Variants in PCDHA7 observed in about 807,000 individuals in gnomAD.
PCDHA7 encodes protocadherin alpha 7, also known as protocadherin alpha-7.
In PCDHA7, 37 loss-of-function variants were observed where a neutral mutation model predicts 57.2. The observed-to-expected ratio is 0.65, with a 90% confidence interval of 0.50 to 0.85. The LOEUF is 0.85. Ranked by LOEUF, PCDHA7 falls within the 40% of genes least tolerant of loss-of-function variation. The pLI is 0.00. For synonymous variants in PCDHA7, 553 were observed against 558.8 expected (o/e 0.99, Z 0.15); for missense variants, 1,188 against 1,241.8 (o/e 0.96, Z 0.65).
chr5:140,852,702 A>G, intron 1 of PCDHA7: 1 of 977,718 alleles, frequency 1.0e-6, no homozygotes, highest in Non-Finnish European at 1.2e-6. Context: ...ACTTTCAAGT[A>G]TCTTTGTCTT....
intron 1 of PCDHA7, chr5:140,862,204 A>C: frequency 5.7e-6 from 1 of 176,474 alleles, no homozygotes; most frequent in Non-Finnish European, 1.2e-5. Flanking sequence ...ATGTTTGATC[A>C]CTGCACAGAC....
At chr5:140,876,395 T>C (rs1562712555) in intron 1 of PCDHA7, 2 of 1,613,920 alleles carry the variant, frequency 1.2e-6, no homozygotes, top group Non-Finnish European at 8.5e-7. Flanking sequence ...TATGGTGAAC[T>C]GGATTTTGAA....
chr5:140,982,689 T>A, intron 3 of PCDHA7, 126 bp downstream of exon 3: 1 of 1,413,688 alleles, frequency 7.1e-7, no homozygotes, highest in Non-Finnish European at 9.3e-7. Context: ...CTTTTTTCCA[T>A]ACATACATGA....
At chr5:140,836,938 A>G in intron 1 of PCDHA7, 200 bp downstream of exon 1, 1 of 463,722 alleles carries the variant, frequency 2.2e-6, no homozygotes, top group Non-Finnish European at 3.7e-6. Flanking sequence ...AATACTATAG[A>G]TCAAAATCTA....
At chr5:140,875,264 C>CTACA in intron 1 of PCDHA7, 1 of 1,189,324 alleles carries the variant, frequency 8.4e-7, no homozygotes, top group Non-Finnish European at 1.1e-6. Context: ...TGATGTCGCT[C>CTACA]TACACTCAGA....
intron 1 of PCDHA7, chr5:140,851,337 C>A: frequency 1.0e-6 from 1 of 979,030 alleles, no homozygotes; most frequent in Non-Finnish European, 1.2e-6. Flanking sequence ...TAGTTCTCTA[C>A]ATTTCTCTGG....
intron 1 of PCDHA7, among the ~76,000 whole-genome samples, chr5:140,871,794 ATTACTATT>A (rs1415079404): frequency 2.2e-4 from 33 of 152,228 alleles, no homozygotes; most frequent in African/African-American, 7.7e-4. Flanking sequence ...AGTAGAAATA[ATTACTATT>A]TTCACTAAAG....
intron 3 of PCDHA7, among the ~76,000 whole-genome samples, chr5:140,986,690 A>G (rs2097209589): frequency 6.6e-6 from 1 of 152,172 alleles, no homozygotes; most frequent in African/African-American, 2.4e-5. Flanking sequence ...AAAGTTTCAA[A>G]ACACACAGCA....
At chr5:140,886,680 G>T (rs1554182653) in intron 1 of PCDHA7, among the ~76,000 whole-genome samples, 1 of 151,946 alleles carries the variant, frequency 6.6e-6, no homozygotes, top group Non-Finnish European at 1.5e-5. Context: ...ACAAAAATTA[G>T]CGAGGCATGG....
rs1554151079 is a variant in PCDHA7 at position 140,858,031 on chromosome 5, G to T, written c.2355+21293G>T. 1.2e-5 allele frequency: 19 copies of T among 1,597,102 alleles called. 3 individuals are homozygous for T. The highest frequency in any genetic ancestry group is 1.5e-5 in the Non-Finnish European group (17 of 1,167,242). On this transcript the variant is annotated intron_variant, in intron 1 of 3. Coordinates refer to ENST00000525929, the MANE Select transcript of PCDHA7 (RefSeq NM_018910.3). ...ATGGCGAGCCGTCGCTGACGGCCACGGCCACTGTGCTTGTGTCGCTTGTGG... is the reference window on the plus strand; with the variant it reads ...ATGGCGAGCCGTCGCTGACGGCCACTGCCACTGTGCTTGTGTCGCTTGTGG...
chr5:141,002,333 G>T (rs782123745), intron 3 of PCDHA7, among the ~76,000 whole-genome samples: 1 of 152,196 alleles, frequency 6.6e-6, no homozygotes, highest in African/African-American at 2.4e-5. Context: ...GGCTGCATCC[G>T]CACCCCTTCC....
chr5:140,843,004 C>T (rs2150349830), intron 1 of PCDHA7: 21 of 1,595,032 alleles, frequency 1.3e-5, no homozygotes, highest in Admixed American at 1.0e-4. Flanking sequence ...AGAATGACAA[C>T]GCGCCGGCAC....
chr5:140,853,419 G>A lies in PCDHA7; in HGVS notation c.2355+16681G>A, dbSNP rs2150531537. The A allele has an allele frequency of 1.0e-5, 10 of 986,026 alleles. No individual in the cohort carries two copies. The East Asian group carries it at 1.1e-3, about 112-fold the overall frequency. 61.1% of individuals were successfully genotyped at this position (986,026 alleles called of 1,614,324 possible). On this transcript the variant is annotated intron_variant, in intron 1 of 3. Coordinates refer to ENST00000525929, the MANE Select transcript of PCDHA7 (RefSeq NM_018910.3). ...AGTTCAAAACAGAGAGGTGAAAGCA[G>A]AAGAGACACTTTCCTATTTTGCCTA... is the stretch of plus-strand genomic sequence containing the variant.
chr5:141,005,701 C>CAAAAAAAA (rs59860837), intron 3 of PCDHA7, among the ~76,000 whole-genome samples: 3 of 7,792 alleles, frequency 3.9e-4, no homozygotes, highest in East Asian at 6.4e-3. Flanking sequence ...AACTCCGTCT[C>CAAAAAAAA]AAAAAAAAAA....
At chr5:140,885,012 G>A (rs73793512) in intron 1 of PCDHA7, among the ~76,000 whole-genome samples, 2,131 of 152,234 alleles carry the variant, frequency 0.014, 45 homozygotes, top group African/African-American at 0.049. Flanking sequence ...GAGGCTAATC[G>A]TAATCTTAAA....
intron 1 of PCDHA7, among the ~76,000 whole-genome samples, chr5:140,839,236 T>C (rs1562375380): frequency 6.6e-6 from 1 of 152,030 alleles, no homozygotes. Flanking sequence ...CTGTTTTTAT[T>C]GCTTTGCTTT....
intron 1 of PCDHA7, among the ~76,000 whole-genome samples, chr5:140,963,550 A>G (rs1484541648): frequency 6.6e-6 from 1 of 152,202 alleles, no homozygotes; most frequent in Non-Finnish European, 1.5e-5. Context: ...TGATATAAAA[A>G]GGGGCTGTTT....
At chr5:140,869,940 C>T in intron 1 of PCDHA7, 1 of 1,612,138 alleles carries the variant, frequency 6.2e-7, no homozygotes, top group African/African-American at 1.3e-5. Flanking sequence ...AGGTAACATA[C>T]TCCTTAATGT....
intron 1 of PCDHA7, among the ~76,000 whole-genome samples, chr5:140,940,470 A>G (rs182796886): frequency 4.7e-5 from 7 of 149,652 alleles, no homozygotes; most frequent in African/African-American, 9.8e-5. Flanking sequence ...GTTCCCTGCA[A>G]TTTTTTTTTT....
Sources: allele counts gnomAD v4.1 joint callset (sites outside exome capture counted in the v4.1 genomes callset), GRCh38; gene constraint gnomAD v4.1.1; transcripts MANE v1.5; gene names NCBI Gene and HGNC (gene_info 2026-07-23, HGNC 2026-07-21).